The following F8 variants were observed in gnomAD, a reference collection of about 807,000 sequenced individuals.
F8 encodes antihemophilic factor.
In F8, 12 loss-of-function variants were observed where a neutral mutation model predicts 140.6. That is an observed-to-expected ratio of 0.09 (90% CI 0.05 to 0.14). F8 has a LOEUF of 0.14. Ranked by LOEUF, F8 falls within the 10% of genes least tolerant of loss-of-function variation. The pLI is 1.00. For synonymous variants in F8, 585 were observed against 614.6 expected (o/e 0.95, Z 0.71); for missense variants, 1,354 against 1,720.7 (o/e 0.79, Z 3.77).
At chrX:154,905,054 G>T in intron 15 of F8, 31 bp from the exon 16 acceptor site, 1 of 977,636 alleles carries the variant, frequency 1.0e-6, no homozygotes, top group Non-Finnish European at 1.4e-6. Context: ...AAAAAAAAAA[G>T]CAAGAATAAT....
At chrX:155,010,350 G>T (rs908606347) in intron 1 of F8, among the ~76,000 whole-genome samples, 1 of 111,431 alleles carries the variant, frequency 9.0e-6, no homozygotes, top group South Asian at 3.7e-4. Flanking sequence ...AAAACTAATC[G>T]GAAAACCTAT....
intron 4 of F8, among the ~76,000 whole-genome samples, chrX:154,990,137 ATC>A (rs782677241): frequency 7.2e-5 from 8 of 111,743 alleles, no homozygotes; most frequent in African/African-American, 1.6e-4. Flanking sequence ...CAGTATGCTA[ATC>A]TCTGTTTTTA....
chrX:154,964,959 A>G (rs906773321), intron 9 of F8, among the ~76,000 whole-genome samples: 10 of 112,228 alleles, frequency 8.9e-5, no homozygotes, highest in Admixed American at 2.8e-4. Flanking sequence ...GTCAATATCC[A>G]TAATCTATAA....
At chrX:154,936,327 A>C (rs1331090967) in intron 13 of F8, among the ~76,000 whole-genome samples, 2 of 112,059 alleles carry the variant, frequency 1.8e-5, no homozygotes, top group Non-Finnish European at 3.8e-5. Flanking sequence ...TGCACTACAG[A>C]AAATGTTAAA....
At chrX:154,955,559 G>A (rs1373177088) in intron 11 of F8, among the ~76,000 whole-genome samples, 14 of 109,241 alleles carry the variant, frequency 1.3e-4, no homozygotes, top group African/African-American at 2.7e-4. Context: ...AGTGTCGGCC[G>A]GTCTGGGAAA....
At position 154,949,749 on chromosome X, in the gene F8, T is replaced by C. The variant is rs188439042; in HGVS notation, c.1904-1842A>G. On this transcript the variant is annotated intron_variant, in intron 12 of 25. Coordinates refer to ENST00000360256, the MANE Select transcript of F8 (RefSeq NM_000132.4). Reference sequence around the variant, plus strand: ...CCTCTGTGAATATGCATCCCTGGTGTCTCTGTGTGTACACATTTCCTCTTC... The same window carrying C: ...CCTCTGTGAATATGCATCCCTGGTGCCTCTGTGTGTACACATTTCCTCTTC... Among the ~76,000 whole-genome samples the C allele has an allele frequency of 4.6e-3, 498 of 108,761 alleles. 3 individuals are homozygous for C. The highest frequency in any genetic ancestry group is 0.016 in the African/African-American group (479 of 29,807). 94.4% of individuals were successfully genotyped at this position (108,761 alleles called of 115,157 possible). A position where few individuals can be genotyped will look rare whatever the true frequency, so the allele number is the denominator to read the frequency against.
At chrX:154,966,836 G>A in intron 7 of F8, 149 bp from the exon 8 acceptor site, 1 of 685,137 alleles carries the variant, frequency 1.5e-6, no homozygotes, top group Non-Finnish European at 2.2e-6. Flanking sequence ...CATCTGCTTG[G>A]CTTCAGGGAG....
intron 25 of F8, 124 bp from the exon 26 acceptor site, chrX:154,837,876 G>T: frequency 1.4e-6 from 1 of 692,579 alleles, no homozygotes; most frequent in Non-Finnish European, 2.2e-6. Context: ...AAGATGACTA[G>T]ATGACTCTGT....
At chrX:154,890,796 C>T (rs976287406) in intron 22 of F8, among the ~76,000 whole-genome samples, 4 of 111,810 alleles carry the variant, frequency 3.6e-5, no homozygotes, top group African/African-American at 1.3e-4. Flanking sequence ...ATGGCTTTTT[C>T]ATTTACTCTC....
intron 1 of F8, among the ~76,000 whole-genome samples, chrX:155,013,451 C>A (rs1377812651): frequency 9.0e-6 from 1 of 111,579 alleles, no homozygotes; most frequent in African/African-American, 3.3e-5. Flanking sequence ...GATTGTGAGG[C>A]CTCCCCAGCC....
chrX:154,916,138 T>A (rs1481743754), intron 14 of F8, among the ~76,000 whole-genome samples: 5 of 112,374 alleles, frequency 4.4e-5, no homozygotes, highest in African/African-American at 1.6e-4. Flanking sequence ...ACTATCTTTG[T>A]GTTCCTAGGA....
At position 154,861,861 on chromosome X, in the gene F8, T is replaced by A; in HGVS notation, c.6580A>T (p.Ser2194Cys). The A allele has an allele frequency of 2.5e-6, 3 of 1,211,455 alleles. No homozygotes were observed. The highest frequency in any genetic ancestry group is 3.4e-6 in the Non-Finnish European group (3 of 895,281). The change falls in exon 24 of 26, where the codon AGC becomes TGC. Residue 2194 changes from serine to cysteine, a missense_variant. This residue lies in a region of F8 where 316 missense variants were observed against 485.4 expected (regional missense o/e 0.65). Coordinates refer to ENST00000360256, the MANE Select transcript of F8 (RefSeq NM_000132.4). ...ELMGCDLNSC[S>C]MPLGMESKAI... Reference sequence around the variant, plus strand: ...TTACTCTCCATTCCCAATGGCATGCTGCAACCTCAAAGAAAAGAAAAAAGA... The same window carrying A: ...TTACTCTCCATTCCCAATGGCATGCAGCAACCTCAAAGAAAAGAAAAAAGA...
chrX:154,959,782 C>T (rs1298156017), intron 10 of F8, among the ~76,000 whole-genome samples: 1 of 111,890 alleles, frequency 8.9e-6, no homozygotes, highest in African/African-American at 3.2e-5. Context: ...ATAGTAAAAT[C>T]ACTTGAGCTG....
intron 22 of F8, among the ~76,000 whole-genome samples, chrX:154,875,712 C>A (rs1029669867): frequency 2.8e-5 from 3 of 107,177 alleles, no homozygotes; most frequent in Non-Finnish European, 5.8e-5. Flanking sequence ...CCACCCTGGT[C>A]TCAGAATGAT....
Position 154,895,534 on chromosome X carries a change from G to T in F8, c.6429+543C>A, listed in dbSNP as rs28715379. Among the ~76,000 whole-genome samples the T allele has an allele frequency of 7.3e-3, 821 of 111,794 alleles. 12 individuals carry two copies. Among genetic ancestry groups the T allele is most frequent in the African/African-American group, 0.024 (743 of 30,734 alleles). ...AACAGCGGTATAAATGGAAACAGAAGAAAGAGATGTGAGAGGCATTGCAAA... is the reference window on the plus strand; with the variant it reads ...AACAGCGGTATAAATGGAAACAGAATAAAGAGATGTGAGAGGCATTGCAAA... On this transcript the variant is annotated intron_variant, in intron 22 of 25. Transcript: ENST00000360256.
At position 154,861,853 on chromosome X, in the gene F8, T is replaced by A; in HGVS notation, c.6588A>T (p.Pro2196=). 2.5e-6 allele frequency: 3 copies of A among 1,211,623 alleles called. No individual in the cohort carries two copies. Among genetic ancestry groups the A allele is most frequent in the Non-Finnish European group, 3.4e-6 (3 of 895,399 alleles). Reference sequence around the variant, plus strand: ...ATATTGCTTTACTCTCCATTCCCAATGGCATGCTGCAACCTCAAAGAAAAG... The same window carrying A: ...ATATTGCTTTACTCTCCATTCCCAAAGGCATGCTGCAACCTCAAAGAAAAG... ...MGCDLNSCSM[P]LGMESKAISD... is the part of the protein sequence containing the mutation. The change falls in exon 24 of 26, where the codon CCA becomes CCT. Residue 2196 remains proline (P), a synonymous_variant. Transcript: ENST00000360256.
intron 1 of F8, among the ~76,000 whole-genome samples, chrX:155,013,099 TCG>T (rs2073716055): frequency 1.1e-5 from 1 of 90,688 alleles, no homozygotes; most frequent in Non-Finnish European, 2.0e-5. Context: ...TGAGCCGAGA[TCG>T]CACCACTGCA....
At chrX:154,855,597 A>G (rs1488667613) in intron 25 of F8, among the ~76,000 whole-genome samples, 2 of 111,361 alleles carry the variant, frequency 1.8e-5, no homozygotes, top group Non-Finnish European at 3.8e-5. Flanking sequence ...CTAAATATTG[A>G]TGAGTCTTCT....
chrX:154,890,195 A>G (rs1557275068), intron 22 of F8, among the ~76,000 whole-genome samples: 1 of 97,928 alleles, frequency 1.0e-5, no homozygotes, highest in Non-Finnish European at 2.0e-5. Flanking sequence ...TTGTCTTTGC[A>G]ATCCTTTCAA....
Sources: gnomAD v4.1 joint callset for allele counts (sites outside exome capture counted in the v4.1 genomes callset) on GRCh38, gnomAD v4.1.1 for gene constraint, gnomAD v4.1.1 regional missense constraint, MANE v1.5 for transcripts, NCBI Gene and HGNC (gene_info 2026-07-23, HGNC 2026-07-21) for gene names.